The following FBLN7 variants were observed in gnomAD, a reference collection of about 807,000 sequenced individuals.
The protein encoded by FBLN7 is fibulin 7, also known as fibulin-7.
Under a neutral mutation model 44.0 loss-of-function variants are expected in FBLN7, and 31 were observed. That is an observed-to-expected ratio of 0.70 (90% CI 0.53 to 0.95). FBLN7 has a LOEUF of 0.95. FBLN7 is among the 40% of genes least tolerant of loss of function. The probability of loss-of-function intolerance (pLI) is 0.00; values close to 1 mark genes in which losing one functional copy is unlikely to be tolerated. For missense variants in FBLN7, 573 were observed against 618.5 expected, an observed-to-expected ratio of 0.93 and a Z score of 0.78; for synonymous variants, 262 against 253.4, an observed-to-expected ratio of 1.03 and a Z score of -0.32.
In FBLN7 at chr2:112,175,857, G is replaced by A. The variant is rs776057120; in HGVS notation, c.532+18G>A. 1 of 1,612,524 alleles carries A rather than the reference G, an allele frequency of 6.2e-7. No individual in the cohort carries two copies. The highest frequency in any genetic ancestry group is 8.5e-7 in the Non-Finnish European group (1 of 1,178,910). On this transcript the variant is annotated intron_variant, in intron 4 of 7. Transcript: ENST00000331203. ...CCAGACTGGTATGTAGCCACCATGG[G>A]GTTAGGTGAGGACATCCTGCTGTGG...
At chr2:112,219,599 T>C in the FBLN7 span, among the ~76,000 whole-genome samples, 13 of 152,180 alleles carry the variant, frequency 8.5e-5, no homozygotes, top group Non-Finnish European at 1.5e-5. Flanking sequence ...TTTCTTAGCA[T>C]TGATTTCTAC....
chr2:112,220,014 C>T, the FBLN7 span, among the ~76,000 whole-genome samples: 3 of 152,156 alleles, frequency 2.0e-5, no homozygotes, highest in Non-Finnish European at 4.4e-5. Context: ...GATTTTTCTC[C>T]GTTCCTTTAC....
At chr2:112,213,290 A>G in the FBLN7 span, 1 of 151,654 alleles carries the variant, frequency 6.6e-6, no homozygotes, top group Non-Finnish European at 1.5e-5. Context: ...CTTGCACGTA[A>G]CCCCCCAGTG....
At chr2:112,236,526 G>A in the FBLN7 span, 12 of 1,603,492 alleles carry the variant, frequency 7.5e-6, no homozygotes, top group African/African-American at 1.3e-5. Context: ...AAAGCATGCA[G>A]GGGTCAGGTA....
At chr2:112,238,183 T>C in the FBLN7 span, 5 of 937,260 alleles carry the variant, frequency 5.3e-6, no homozygotes, top group African/African-American at 1.7e-5. Flanking sequence ...AGCTCATGTC[T>C]GGTATAAATA....
At chr2:112,151,339 C>G (rs922510830) in intron 1 of FBLN7, 1 of 152,178 alleles carries the variant, frequency 6.6e-6, no homozygotes, top group Non-Finnish European at 1.5e-5. Context: ...CCTACTCTCT[C>G]TAGGGGAAAA....
intron 4 of FBLN7, chr2:112,177,975 C>A (rs1682808450): frequency 6.6e-6 from 1 of 150,970 alleles, no homozygotes; most frequent in Non-Finnish European, 1.5e-5. Flanking sequence ...CCAGCCTGGC[C>A]AACATGGTAA....
At chr2:112,163,015 C>T (rs1046809449) in intron 2 of FBLN7, among the ~76,000 whole-genome samples, 4 of 152,218 alleles carry the variant, frequency 2.6e-5, no homozygotes, top group Non-Finnish European at 5.9e-5. Flanking sequence ...GCTTGCTACT[C>T]ACAAGGTTAT....
chr2:112,230,638 T>C, the FBLN7 span: 1 of 187,264 alleles, frequency 5.3e-6, no homozygotes, highest in Non-Finnish European at 1.1e-5. Context: ...CTAAATATAT[T>C]GTTTTGTGAA....
chr2:112,172,627 C>CTTT (rs35062438), intron 3 of FBLN7, among the ~76,000 whole-genome samples: 503 of 88,098 alleles, frequency 5.7e-3, no homozygotes, highest in Middle Eastern at 0.012. Context: ...CTTTTTCTTT[C>CTTT]TTTTTTTTTT....
chr2:112,161,600 G>A (rs1160396996), intron 2 of FBLN7, among the ~76,000 whole-genome samples: 1 of 152,204 alleles, frequency 6.6e-6, no homozygotes. Flanking sequence ...GGTCAGAGCT[G>A]CCTGCGGTCC....
intron 1 of FBLN7, among the ~76,000 whole-genome samples, chr2:112,138,950 T>C (rs1680496864): frequency 8.8e-6 from 1 of 114,094 alleles, no homozygotes; most frequent in African/African-American, 3.5e-5. Flanking sequence ...CCCTCCCGCC[T>C]CTCTCCAGGC....
intron 1 of FBLN7, among the ~76,000 whole-genome samples, chr2:112,146,397 AGAG>A (rs1455310389): frequency 6.6e-6 from 1 of 152,230 alleles, no homozygotes; most frequent in East Asian, 1.9e-4. Context: ...TAGATCAATT[AGAG>A]GAGAATTGGC....
At chr2:112,197,270 CACACAGAGAGAGAGAG>C in the FBLN7 span, among the ~76,000 whole-genome samples, 1 of 126,280 alleles carries the variant, frequency 7.9e-6, no homozygotes, top group African/African-American at 3.1e-5. Flanking sequence ...CACACACACA[CACACAGAGAGAGAGAG>C]AGAGAGAGAG....
chr2:112,197,274 C>CACACACACACACACACACACACAG, the FBLN7 span, among the ~76,000 whole-genome samples: 1 of 98,596 alleles, frequency 1.0e-5, no homozygotes, highest in Non-Finnish European at 2.2e-5. Context: ...CACACACACA[C>CACACACACACACACACACACACAG]AGAGAGAGAG....
At chr2:112,199,118 T>C in the FBLN7 span, among the ~76,000 whole-genome samples, 1 of 152,096 alleles carries the variant, frequency 6.6e-6, no homozygotes, top group Admixed American at 6.5e-5. Flanking sequence ...ATAATCAAGA[T>C]CAAAAGTGAG....
At chr2:112,206,305 C>G in the FBLN7 span, among the ~76,000 whole-genome samples, 1 of 152,144 alleles carries the variant, frequency 6.6e-6, no homozygotes, top group African/African-American at 2.4e-5. Flanking sequence ...GTTTTACTGA[C>G]CTTTACAAAG....
downstream of FBLN7, among the ~76,000 whole-genome samples, chr2:112,192,826 G>A (rs1472601374): frequency 2.6e-5 from 4 of 152,162 alleles, no homozygotes; most frequent in African/African-American, 4.8e-5. Flanking sequence ...TATGAGCTGC[G>A]TGAATATTCC....
At chr2:112,242,423 G>A in the FBLN7 span, among the ~76,000 whole-genome samples, 1 of 152,326 alleles carries the variant, frequency 6.6e-6, no homozygotes, top group South Asian at 2.1e-4. Flanking sequence ...GCAGAGCTGA[G>A]TAGCTGCAAG....
Sources: gnomAD v4.1 joint callset for allele counts (sites outside exome capture counted in the v4.1 genomes callset) on GRCh38, gnomAD v4.1.1 for gene constraint, MANE v1.5 for transcripts, NCBI Gene and HGNC (gene_info 2026-07-23, HGNC 2026-07-21) for gene names.